Variants in RANBP3L observed in about 807,000 individuals in gnomAD.
RANBP3L encodes the protein RAN binding protein 3 like, also known as ran-binding protein 3-like.
RANBP3L carries 56 observed loss-of-function variants against 67.2 expected under a neutral mutation model. The observed-to-expected ratio is 0.83, with a 90% CI of 0.67 to 1.04. The LOEUF is 1.04. RANBP3L is among the 50% of genes least tolerant of loss of function. The pLI is 0.00. For missense variants in RANBP3L, 496 were observed against 535.5 expected, an observed-to-expected ratio of 0.93 and a Z score of 0.73; for synonymous variants, 164 against 181.4, an observed-to-expected ratio of 0.90 and a Z score of 0.77.
At chr5:36,262,323 T>G (rs1749457294) in intron 6 of RANBP3L, among the ~76,000 whole-genome samples, 1 of 152,222 alleles carries the variant, frequency 6.6e-6, no homozygotes, top group South Asian at 2.1e-4. Flanking sequence ...ATCATAATAT[T>G]CAGAAATCCC....
chr5:36,255,005 A>C (rs557397041), intron 11 of RANBP3L, among the ~76,000 whole-genome samples: 1 of 152,106 alleles, frequency 6.6e-6, no homozygotes, highest in Non-Finnish European at 1.5e-5. Flanking sequence ...CTGGGATGCC[A>C]AGGATAAATT....
At position 36,251,434 on chromosome 5, in the gene RANBP3L, G is replaced by C; in HGVS notation, c.1233C>G (p.Ser411Arg). ...GATTGACATCTCTCTGCTTATTGAA[G>C]CTTTGAAGTGCAACAAGACGATGAT... The part of the protein sequence containing the change: ...AIHHRLVALQ[S>R]FNKQRDVNQA... Residue 411 changes from serine (S) to arginine (R), a missense_variant, in exon 13 of 14, where the codon AGC (serine) becomes AGG (arginine). Transcript: ENST00000296604. 6.2e-7 allele frequency: 1 copy of C among 1,612,990 alleles called. No individual in the cohort carries two copies. The highest frequency in any genetic ancestry group is 1.1e-5 in the South Asian group (1 of 90,942).
At chr5:36,286,087 T>C (rs1365399245) in intron 1 of RANBP3L, among the ~76,000 whole-genome samples, 1 of 152,162 alleles carries the variant, frequency 6.6e-6, no homozygotes, top group Non-Finnish European at 1.5e-5. Flanking sequence ...AACAAAGAGT[T>C]TGGGACATTG....
chr5:36,255,416 T>C, intron 11 of RANBP3L, 54 bp downstream of exon 11: 1 of 1,561,500 alleles, frequency 6.4e-7, no homozygotes, highest in Non-Finnish European at 8.7e-7. Context: ...TTATTATAAG[T>C]ACACAGGAGA....
At chr5:36,272,827 G>C (rs188690710) in intron 1 of RANBP3L, among the ~76,000 whole-genome samples, 1 of 152,238 alleles carries the variant, frequency 6.6e-6, no homozygotes, top group Non-Finnish European at 1.5e-5. Context: ...ATTTTTAGTA[G>C]AGATGGAGTT....
rs1748397145 is a variant in RANBP3L at position 36,248,365 on chromosome 5, T to C, written c.*1289A>G. 1 of 152,104 alleles carries C rather than the reference T, an allele frequency of 6.6e-6. No homozygotes were observed. Among genetic ancestry groups the C allele is most frequent in the Admixed American group, 6.5e-5 (1 of 15,276 alleles). 9.4% of individuals were successfully genotyped at this position (152,104 alleles called of 1,614,324 possible). A position where few individuals can be genotyped will look rare whatever the true frequency, so the allele number is the denominator to read the frequency against. ...TAAGGAAGGACAAAATGTTGAACAA[T>C]TGTCATAATCATAATCTGAAAGACT... is the stretch of plus-strand genomic sequence containing the variant. On this transcript the variant is annotated 3_prime_UTR_variant, in exon 14 of 14. Coordinates refer to ENST00000296604, the MANE Select transcript of RANBP3L (RefSeq NM_145000.5).
chr5:36,277,440 ATGTGTGTGTGTGTGTGTG>A (rs149996886), intron 1 of RANBP3L, among the ~76,000 whole-genome samples: 38 of 115,028 alleles, frequency 3.3e-4, no homozygotes, highest in Admixed American at 5.4e-4. Context: ...ATATATATAT[ATGTGTGTGTGTGTGTGTG>A]TGTGTGTGTG....
intron 6 of RANBP3L, 81 bp downstream of exon 6, chr5:36,264,878 T>G: frequency 7.9e-7 from 1 of 1,267,854 alleles, no homozygotes; most frequent in Non-Finnish European, 1.1e-6. Flanking sequence ...AACTCCTATT[T>G]CTGGATATGG....
intron 1 of RANBP3L, among the ~76,000 whole-genome samples, chr5:36,277,321 G>A (rs1319344862): frequency 6.6e-6 from 1 of 151,662 alleles, no homozygotes; most frequent in Non-Finnish European, 1.5e-5. Flanking sequence ...GCTTGTCAAA[G>A]CATGGATTTT....
At chr5:36,261,892 G>T (rs1415362068) in intron 7 of RANBP3L, 47 bp downstream of exon 7, 2 of 874,052 alleles carry the variant, frequency 2.3e-6, no homozygotes, top group African/African-American at 1.7e-5. Flanking sequence ...AATAATGAAA[G>T]AATGCAAGAA....
intron 1 of RANBP3L, among the ~76,000 whole-genome samples, chr5:36,278,017 C>G (rs539614688): frequency 6.6e-6 from 1 of 152,180 alleles, no homozygotes; most frequent in South Asian, 2.1e-4. Context: ...ATGAAGGAAA[C>G]CGTCCCCATG....
Position 36,301,537 on chromosome 5 carries a change from G to A in RANBP3L, c.-121C>T, listed in dbSNP as rs990910876. The stretch of plus-strand genomic sequence containing the variant: ...ATAGATTCATGCAGATCTTGTCTTT[G>A]CATGTACAACATATACTCCTCTACT... On this transcript the variant is annotated 5_prime_UTR_variant, in exon 1 of 14. An upstream open reading frame in the 5' UTR gains an earlier in-frame stop. Coordinates refer to ENST00000296604, the MANE Select transcript of RANBP3L (RefSeq NM_145000.5). The A allele has an allele frequency of 4.5e-5, 31 of 687,538 alleles. No individual in the cohort carries two copies. Among genetic ancestry groups the A allele is most frequent in the Non-Finnish European group, 7.0e-5 (27 of 385,666 alleles). 42.6% of individuals were successfully genotyped at this position (687,538 alleles called of 1,614,324 possible).
At chr5:36,278,437 G>A (rs147419228) in intron 1 of RANBP3L, among the ~76,000 whole-genome samples, 234 of 152,138 alleles carry the variant, frequency 1.5e-3, no homozygotes, top group African/African-American at 5.3e-3. Context: ...CATTTTATAA[G>A]GTTCCCGGGT....
chr5:36,247,810 C>G lies in RANBP3L; in HGVS notation c.*1844G>C, dbSNP rs893225762. Among the ~76,000 whole-genome samples, 2 of 152,214 alleles carry G rather than the reference C, an allele frequency of 1.3e-5. No individual in the cohort carries two copies. Among genetic ancestry groups the G allele is most frequent in the African/African-American group, 4.8e-5 (2 of 41,460 alleles). The stretch of plus-strand genomic sequence containing the variant: ...GAGTGAGGCACGAGAATCCCTTGAA[C>G]CCGGGAGGGGGAGGTTGAAGTGAGC... On this transcript the variant is annotated 3_prime_UTR_variant, in exon 14 of 14. Coordinates refer to ENST00000296604, the MANE Select transcript of RANBP3L (RefSeq NM_145000.5).
chr5:36,299,134 T>C (rs1827199), intron 1 of RANBP3L, among the ~76,000 whole-genome samples: 109,648 of 151,378 alleles, frequency 0.72, 40,210 homozygotes, highest in African/African-American at 0.8. Context: ...CATCTTTCTC[T>C]CTTGCTATTT....
intron 11 of RANBP3L, among the ~76,000 whole-genome samples, chr5:36,254,528 C>CTCAA: frequency 6.6e-6 from 1 of 151,586 alleles, no homozygotes; most frequent in South Asian, 2.1e-4. Flanking sequence ...CTTTGGCAGG[C>CTCAA]AGTGGAATCA....
intron 1 of RANBP3L, among the ~76,000 whole-genome samples, chr5:36,299,232 G>C (rs1752445538): frequency 6.6e-6 from 1 of 151,962 alleles, no homozygotes; most frequent in Admixed American, 6.6e-5. Context: ...CCTATTGTGG[G>C]ACCTTGTGAC....
intron 1 of RANBP3L, among the ~76,000 whole-genome samples, chr5:36,278,225 T>A (rs959632733): frequency 2.7e-4 from 41 of 152,310 alleles, no homozygotes; most frequent in Non-Finnish European, 5.4e-4. Context: ...ACCCCTAGCT[T>A]GCTTCTCATT....
chr5:36,249,533 A>G lies in RANBP3L; in HGVS notation c.*121T>C. On this transcript the variant is annotated 3_prime_UTR_variant, in exon 14 of 14. Transcript: ENST00000296604. ...TTAATTGCAACAAATTACATTTCTT[A>G]AACTTTTCTATAAAAACTCTTCAAG... 1 of 489,622 alleles carries G rather than the reference A, an allele frequency of 2.0e-6. No individual in the cohort carries two copies. 30.3% of individuals were successfully genotyped at this position (489,622 alleles called of 1,614,324 possible).
Sources: gnomAD v4.1 joint callset for allele counts (sites outside exome capture counted in the v4.1 genomes callset) on GRCh38, gnomAD v4.1.1 for gene constraint, MANE v1.5 for transcripts, NCBI Gene and HGNC (gene_info 2026-07-23, HGNC 2026-07-21) for gene names.